NELL1: variants seen among roughly 807,000 people sequenced by gnomAD.
NELL1 encodes the protein neural EGFL like 1.
A neutral mutation model predicts 107.4 loss-of-function variants in NELL1; 76 were observed. The ratio of observed to expected loss-of-function variants is 0.71; its 90% CI spans 0.59 to 0.86. The LOEUF is 0.86. Among genes scored for constraint, NELL1 ranks in the 40% least tolerant of loss-of-function variants. The pLI is 0.00. For missense variants in NELL1, 1,024 were observed against 1,005.5 expected (o/e 1.02, Z -0.25); for synonymous variants, 353 against 341.2 (o/e 1.03, Z -0.38).
rs75511050 is a variant in NELL1 at position 21,508,817 on chromosome 11, A to C, written c.1646-25557A>C. ...TTAAAGAAAAAAAAATGTTAGATAT[A>C]GGACTTCTACCAAACACCTATATCA... On this transcript the variant is annotated intron_variant, in intron 15 of 19. Coordinates refer to ENST00000357134, the MANE Select transcript of NELL1 (RefSeq NM_006157.5). 2.0e-3 allele frequency among the ~76,000 whole-genome samples: 311 copies of C among 152,208 alleles called. 1 individual carries two copies. The highest frequency in any genetic ancestry group is 7.1e-3 in the African/African-American group (294 of 41,560).
chr11:21,097,188 C>T (rs945158148), intron 12 of NELL1, among the ~76,000 whole-genome samples: 1 of 152,116 alleles, frequency 6.6e-6, no homozygotes, highest in Non-Finnish European at 1.5e-5. Flanking sequence ...CTGTTCTTAA[C>T]GTAGTCACCG....
At chr11:20,808,206 G>A (rs1857425036) in intron 3 of NELL1, among the ~76,000 whole-genome samples, 1 of 152,116 alleles carries the variant, frequency 6.6e-6, no homozygotes, top group Non-Finnish European at 1.5e-5. Flanking sequence ...CAGGGTCCGT[G>A]GGCTCTTTAG....
At chr11:20,674,600 A>T in intron 1 of NELL1, 1 of 1,305,204 alleles carries the variant, frequency 7.7e-7, no homozygotes, top group Non-Finnish European at 1.1e-6. Context: ...TATTTTATGG[A>T]TGAGGAAACT....
At chr11:21,386,414 C>T (rs554833549) in intron 15 of NELL1, among the ~76,000 whole-genome samples, 9 of 151,830 alleles carry the variant, frequency 5.9e-5, no homozygotes, top group Non-Finnish European at 1.2e-4. Flanking sequence ...TATTCATAAA[C>T]TAGATGGTTC....
chr11:21,359,580 A>T (rs1851024574), intron 14 of NELL1, among the ~76,000 whole-genome samples: 1 of 152,242 alleles, frequency 6.6e-6, no homozygotes, highest in East Asian at 1.9e-4. Context: ...ATTGGTACCA[A>T]TTCTTCTTTC....
At chr11:20,891,594 C>T (rs796397197) in intron 5 of NELL1, among the ~76,000 whole-genome samples, 8 of 152,192 alleles carry the variant, frequency 5.3e-5, no homozygotes, top group South Asian at 2.1e-4. Flanking sequence ...CAAGACCAAT[C>T]GGTATGCTGT....
intron 7 of NELL1, among the ~76,000 whole-genome samples, chr11:20,920,904 C>T (rs1484621299): frequency 6.9e-6 from 1 of 145,380 alleles, no homozygotes; most frequent in Non-Finnish European, 1.5e-5. Context: ...AATCCATCTT[C>T]TAAACCTCCC....
At chr11:21,365,560 TG>T (rs1369744959) in intron 14 of NELL1, among the ~76,000 whole-genome samples, 2 of 152,156 alleles carry the variant, frequency 1.3e-5, no homozygotes, top group African/African-American at 4.8e-5. Flanking sequence ...ATTATTATTA[TG>T]ATTACTGTTG....
At chr11:21,293,256 C>CCATCAAAAAG (rs1265037034) in intron 14 of NELL1, among the ~76,000 whole-genome samples, 1 of 151,860 alleles carries the variant, frequency 6.6e-6, no homozygotes, top group African/African-American at 2.4e-5. Context: ...ACAAAAAACC[C>CCATCAAAAAG]CATCAAAAAG....
At chr11:20,686,427 A>G (rs985225296) in intron 2 of NELL1, among the ~76,000 whole-genome samples, 7 of 152,200 alleles carry the variant, frequency 4.6e-5, no homozygotes, top group African/African-American at 1.7e-4. Flanking sequence ...AAAACTTTAG[A>G]CAAATTAAAT....
intron 13 of NELL1, among the ~76,000 whole-genome samples, chr11:21,158,737 G>A (rs1418475037): frequency 1.3e-5 from 2 of 152,114 alleles, no homozygotes; most frequent in Non-Finnish European, 2.9e-5. Flanking sequence ...CTTTAAGTAG[G>A]ACTGAGTGGG....
intron 14 of NELL1, among the ~76,000 whole-genome samples, chr11:21,302,622 T>C (rs1295858808): frequency 6.6e-6 from 1 of 152,028 alleles, no homozygotes; most frequent in Non-Finnish European, 1.5e-5. Context: ...TCCTCTTTTG[T>C]AGAATATCAG....
chr11:20,770,862 G>C (rs1564901888), intron 2 of NELL1: 2 of 152,122 alleles, frequency 1.3e-5, no homozygotes, highest in Non-Finnish European at 2.9e-5. Context: ...ACTCCTGGCT[G>C]CTGTGGAAAA....
chr11:20,919,042 A>G (rs1329180749), intron 6 of NELL1, among the ~76,000 whole-genome samples: 1 of 151,876 alleles, frequency 6.6e-6, no homozygotes, highest in East Asian at 1.9e-4. Flanking sequence ...TTAGTTAACA[A>G]TGCCTTTTTC....
intron 12 of NELL1, among the ~76,000 whole-genome samples, chr11:21,083,542 C>T (rs942822077): frequency 1.3e-5 from 2 of 151,916 alleles, no homozygotes; most frequent in South Asian, 2.1e-4. Context: ...GGATTCAAGC[C>T]CTATCACAGG....
chr11:21,106,429 G>A (rs993047031), intron 12 of NELL1, among the ~76,000 whole-genome samples: 1 of 152,136 alleles, frequency 6.6e-6, no homozygotes, highest in Admixed American at 6.6e-5. Context: ...TATAAGCACT[G>A]TTTCTTATCA....
intron 14 of NELL1, among the ~76,000 whole-genome samples, chr11:21,318,885 C>A (rs540609504): frequency 6.6e-6 from 1 of 151,976 alleles, no homozygotes; most frequent in African/African-American, 2.4e-5. Flanking sequence ...CTAGTTCTTC[C>A]GAGCTGTGTG....
At chr11:20,756,425 G>A (rs918550734) in intron 2 of NELL1, among the ~76,000 whole-genome samples, 2 of 151,482 alleles carry the variant, frequency 1.3e-5, no homozygotes, top group Admixed American at 1.3e-4. Context: ...TGAAAGCTCC[G>A]CCTCCTGGGT....
At chr11:21,534,708 A>G (rs1287394142) in intron 16 of NELL1, among the ~76,000 whole-genome samples, 194 bp downstream of exon 16, 1 of 152,146 alleles carries the variant, frequency 6.6e-6, no homozygotes, top group East Asian at 1.9e-4. Flanking sequence ...TAGAATTTTT[A>G]TATAGAAACT....
Sources: gnomAD v4.1 joint callset for allele counts (sites outside exome capture counted in the v4.1 genomes callset) on GRCh38, gnomAD v4.1.1 for gene constraint, MANE v1.5 for transcripts, NCBI Gene and HGNC (gene_info 2026-07-23, HGNC 2026-07-21) for gene names.